The following PTPN9 variants were observed in gnomAD, a reference collection of about 807,000 sequenced individuals.
PTPN9 encodes the protein tyrosine-protein phosphatase non-receptor type 9.
A neutral mutation model predicts 69.8 loss-of-function variants in PTPN9; 26 were observed. That is an observed-to-expected ratio of 0.37 (90% CI 0.27 to 0.52). The LOEUF (loss-of-function observed/expected upper bound fraction) is 0.52. PTPN9 is among the 20% of genes least tolerant of loss of function. The probability of loss-of-function intolerance (pLI) is 0.91; values close to 1 mark genes in which losing one functional copy is unlikely to be tolerated. For synonymous variants in PTPN9, 274 were observed against 272.5 expected, an observed-to-expected ratio of 1.01 and a Z score of -0.05; for missense variants, 549 against 740.3, an observed-to-expected ratio of 0.74 and a Z score of 3.00.
intron 7 of PTPN9, among the ~76,000 whole-genome samples, chr15:75,505,172 T>C (rs1479040457): frequency 6.6e-6 from 1 of 151,108 alleles, no homozygotes; most frequent in Non-Finnish European, 1.5e-5. Context: ...AACCCTGTGC[T>C]CTCTGAAACA....
At chr15:75,570,253 T>C (rs537280771) in intron 1 of PTPN9, 1 of 152,306 alleles carries the variant, frequency 6.6e-6, no homozygotes, top group South Asian at 2.1e-4. Context: ...TTTGTCTCTG[T>C]AGAAGACCTC....
intron 1 of PTPN9, among the ~76,000 whole-genome samples, chr15:75,528,907 G>A (rs1301090881): frequency 6.6e-6 from 1 of 151,606 alleles, no homozygotes; most frequent in African/African-American, 2.4e-5. Context: ...TCCCTTTGTT[G>A]GCCAGGCTGG....
At chr15:75,504,932 G>C (rs2074809588) in intron 7 of PTPN9, among the ~76,000 whole-genome samples, 1 of 152,098 alleles carries the variant, frequency 6.6e-6, no homozygotes, top group African/African-American at 2.4e-5. Flanking sequence ...GAGCCCCTCT[G>C]CCCAGCCACC....
rs1321028373 is a variant in PTPN9 at position 75,517,215 on chromosome 15, C to T, written c.528+44G>A. The T allele has an allele frequency of 7.3e-6, 10 of 1,378,890 alleles. No homozygotes were observed. The African/African-American group carries it at 1.5e-4, about 20-fold the overall frequency. The allele number at this position is 1,378,890 out of a possible 1,614,324, so 85.4% of individuals were successfully genotyped here. The stretch of plus-strand genomic sequence containing the variant: ...CAAAGAATTAAAAAAATATATATAT[C>T]CCAAGCATTGAAGGAAACTTGAGAG... On this transcript the variant is annotated intron_variant, in intron 5 of 12. Transcript: ENST00000618819.
intron 6 of PTPN9, 35 bp from the exon 7 acceptor site, chr15:75,506,038 G>A (rs1255923614): frequency 6.6e-7 from 1 of 1,513,340 alleles, no homozygotes; most frequent in African/African-American, 1.4e-5. Flanking sequence ...GAGTATGTGG[G>A]AGGAGGGAAA....
At chr15:75,574,849 A>T (rs1198246835) in intron 1 of PTPN9, among the ~76,000 whole-genome samples, 1 of 150,396 alleles carries the variant, frequency 6.6e-6, no homozygotes, top group Non-Finnish European at 1.5e-5. Flanking sequence ...GGCTGAAGCA[A>T]GAGAATTGCT....
intron 5 of PTPN9, among the ~76,000 whole-genome samples, chr15:75,516,647 A>G (rs1254257293): frequency 6.6e-6 from 1 of 151,270 alleles, no homozygotes; most frequent in East Asian, 1.9e-4. Context: ...CCTTATACAC[A>G]TAAGTATGCC....
chr15:75,536,296 T>G (rs189880334), intron 1 of PTPN9, among the ~76,000 whole-genome samples: 7 of 152,302 alleles, frequency 4.6e-5, no homozygotes, highest in Non-Finnish European at 8.8e-5. Context: ...CTTCTTGGCC[T>G]TTCGCTAAGA....
intron 7 of PTPN9, among the ~76,000 whole-genome samples, chr15:75,499,634 G>A (rs961294524): frequency 1.3e-5 from 2 of 151,698 alleles, no homozygotes; most frequent in Non-Finnish European, 2.9e-5. Flanking sequence ...TCAATCTCTT[G>A]ACCTCGTGAT....
At chr15:75,501,459 T>C (rs2074772094) in intron 7 of PTPN9, among the ~76,000 whole-genome samples, 1 of 150,606 alleles carries the variant, frequency 6.6e-6, no homozygotes, top group Non-Finnish European at 1.5e-5. Context: ...TTCTTTTCTT[T>C]CTTTCTTTTT....
At chr15:75,531,584 CTT>C (rs373628925) in intron 1 of PTPN9, among the ~76,000 whole-genome samples, 1 of 144,866 alleles carries the variant, frequency 6.9e-6, no homozygotes. Context: ...GTTTTTTCTG[CTT>C]TTTTTTTTTC....
At chr15:75,480,702 G>A (rs1295305743) in intron 8 of PTPN9, 37 of 1,311,522 alleles carry the variant, frequency 2.8e-5, no homozygotes, top group African/African-American at 6.4e-5. Flanking sequence ...AGCCACCGCC[G>A]CCCCACAGCC....
intron 7 of PTPN9, among the ~76,000 whole-genome samples, chr15:75,495,057 A>G (rs1340577524): frequency 1.3e-5 from 2 of 152,148 alleles, no homozygotes; most frequent in Admixed American, 1.3e-4. Context: ...AGATTGAGAA[A>G]GAATAAGATC....
intron 7 of PTPN9, among the ~76,000 whole-genome samples, chr15:75,504,244 T>A (rs1191993867): frequency 9.2e-5 from 11 of 120,146 alleles, no homozygotes; most frequent in Non-Finnish European, 1.9e-4. Flanking sequence ...AGCCGCCCCG[T>A]CCGGGAGGGA....
chr15:75,480,816 G>C (rs887851688), intron 8 of PTPN9: 81 of 534,024 alleles, frequency 1.5e-4, no homozygotes, highest in Non-Finnish European at 2.1e-4. Context: ...CGGGCCCCGC[G>C]GGGCCCGAGG....
chr15:75,484,457 T>A (rs2074661764), intron 8 of PTPN9, among the ~76,000 whole-genome samples: 1 of 152,208 alleles, frequency 6.6e-6, no homozygotes, highest in Non-Finnish European at 1.5e-5. Context: ...TCCAGTCAAA[T>A]TCAAAGGCAT....
intron 1 of PTPN9, among the ~76,000 whole-genome samples, chr15:75,530,199 C>CAAAAAAA (rs1171614508): frequency 3.5e-5 from 1 of 28,254 alleles, no homozygotes; most frequent in African/African-American, 1.3e-4. Context: ...GACTCCATCT[C>CAAAAAAA]AAAAAAAAAA....
At chr15:75,561,080 C>T (rs1437318820) in intron 1 of PTPN9, among the ~76,000 whole-genome samples, 1 of 151,140 alleles carries the variant, frequency 6.6e-6, no homozygotes, top group Non-Finnish European at 1.5e-5. Flanking sequence ...ACTTTGGAGG[C>T]CGAGGCAAGT....
At chr15:75,488,379 G>T (rs548842531) in intron 8 of PTPN9, among the ~76,000 whole-genome samples, 88 of 151,740 alleles carry the variant, frequency 5.8e-4, no homozygotes, top group African/African-American at 2.0e-3. Context: ...ACAAAATTGG[G>T]TTTTTCGGAG....
Sources: gnomAD v4.1 joint callset for allele counts (sites outside exome capture counted in the v4.1 genomes callset) on GRCh38, gnomAD v4.1.1 for gene constraint, MANE v1.5 for transcripts, NCBI Gene and HGNC (gene_info 2026-07-23, HGNC 2026-07-21) for gene names.